The following ZNF594 variants were observed in gnomAD, a reference collection of about 807,000 sequenced individuals.
ZNF594 encodes zinc finger protein HZF18.
For missense variants in ZNF594, 1,037 were observed against 964.6 expected, an observed-to-expected ratio of 1.08 and a Z score of -0.99; for synonymous variants, 336 against 309.4, an observed-to-expected ratio of 1.09 and a Z score of -0.90.
At chr17:5,176,895 G>C (rs2144227317), downstream of ZNF594, among the ~76,000 whole-genome samples, 1 of 152,170 alleles carries the variant, frequency 6.6e-6, no homozygotes, top group Non-Finnish European at 1.5e-5. Context: ...ACAAATCAAG[G>C]ATAAAAGTTG....
In ZNF594 at chr17:5,182,175, G is replaced by C; in HGVS notation, c.2082C>G (p.Leu694=). ...TATGAAGTCTCCGATGTTGAATAAG[G>C]AGGGAACGCCGCCTGAAGGCATTCC... ...ECGNAFRRRS[L]LIQHRRLHSG... The change falls in exon 2 of 2, where the codon CTC becomes CTG. Residue 694 remains leucine (L), a synonymous_variant. Coordinates refer to ENST00000575779, the MANE Select transcript of ZNF594 (RefSeq NM_032530.2). The C allele has an allele frequency of 6.2e-7, 1 of 1,613,406 alleles. No individual in the cohort carries two copies. Among genetic ancestry groups the C allele is most frequent in the Non-Finnish European group, 8.5e-7 (1 of 1,179,934 alleles).
In ZNF594 at chr17:5,183,008, A is replaced by T; in HGVS notation, c.1249T>A (p.Ser417Thr). Reference protein sequence around the residue: ...KECGKTFNQSSDLLRHHRIHS... With the variant: ...KECGKTFNQSTDLLRHHRIHS... The stretch of plus-strand genomic sequence containing the variant: ...ATTCTATGATGTCTCAGAAGGTCTG[A>T]GCTCTGATTGAAAGTTTTCCCACAT... Residue 417 changes from serine to threonine, a missense_variant, in exon 2 of 2, where the codon TCA becomes ACA. Coordinates refer to ENST00000575779, the MANE Select transcript of ZNF594 (RefSeq NM_032530.2). The T allele has an allele frequency of 6.2e-7, 1 of 1,614,016 alleles. No homozygotes were observed. The highest frequency in any genetic ancestry group is 1.3e-5 in the African/African-American group (1 of 74,974).
At position 5,181,357 on chromosome 17, in the gene ZNF594, C is replaced by A; in HGVS notation, c.*476G>T. ...TGAGTTACCTGATGTCCGATGAGGT[C>A]TGAGCTGCCCTGGAAAGCCCTACCA... On this transcript the variant is annotated 3_prime_UTR_variant, in exon 2 of 2. Transcript: ENST00000575779. 1.9e-6 allele frequency: 3 copies of A among 1,612,992 alleles called. No individual in the cohort carries two copies. The highest frequency in any genetic ancestry group is 1.7e-6 in the Non-Finnish European group (2 of 1,179,010).
Position 5,181,637 on chromosome 17 carries a change from C to CATT in ZNF594, c.*195_*196insAAT. On this transcript the variant is annotated 3_prime_UTR_variant, in exon 2 of 2. Coordinates refer to ENST00000575779, the MANE Select transcript of ZNF594 (RefSeq NM_032530.2). ...TGAAGGCTTTTTCACATTCAGTGCA[C>CATT]TGATAGGGCTTCTCTCCAGTGTGGA... The CATT allele has an allele frequency of 1.3e-6, 2 of 1,587,918 alleles. No individual in the cohort carries two copies. The highest frequency in any genetic ancestry group is 1.7e-6 in the Non-Finnish European group (2 of 1,156,324).
At chr17:5,176,035 C>T (rs550738526), downstream of ZNF594, among the ~76,000 whole-genome samples, 1 of 152,328 alleles carries the variant, frequency 6.6e-6, no homozygotes, top group East Asian at 1.9e-4. Flanking sequence ...CTCCTTGCTA[C>T]ACCGACGCTA....
Position 5,182,811 on chromosome 17 carries a change from A to G in ZNF594, c.1446T>C (p.His482=), listed in dbSNP as rs539253457. ...RSHLVTHQKI[H]TGEKPYQCTE... Reference sequence around the variant, plus strand: ...TGCACTGATAGGGCTTCTCTCCAGTATGGATTTTCTGGTGTGTAACAAGGT... The same window carrying G: ...TGCACTGATAGGGCTTCTCTCCAGTGTGGATTTTCTGGTGTGTAACAAGGT... Residue 482 remains histidine (H), a synonymous_variant, in exon 2 of 2, where the codon CAT becomes CAC. Coordinates refer to ENST00000575779, the MANE Select transcript of ZNF594 (RefSeq NM_032530.2). 7.4e-6 allele frequency: 12 copies of G among 1,613,896 alleles called. No individual in the cohort carries two copies. The African/African-American group carries it at 1.1e-4, about 14-fold the overall frequency.
At chr17:5,188,432 C>T (rs1416341158) in intron 1 of ZNF594, among the ~76,000 whole-genome samples, 1 of 152,048 alleles carries the variant, frequency 6.6e-6, no homozygotes, top group Admixed American at 6.6e-5. Flanking sequence ...GCTCAATTTC[C>T]TCTGTTTGTT....
rs756212045 is a variant in ZNF594, at chr17:5,183,821, GATGT to G, written c.432_435del (p.His145ArgfsTer54). ...GGCTTATTTCCTGTATGAATTCTCT[GATGT>G]ATGATCAGGTTTGAACTCCTGTTGA... On this transcript the variant is annotated frameshift_variant, in exon 2 of 2. Coordinates refer to ENST00000575779, the MANE Select transcript of ZNF594 (RefSeq NM_032530.2). LOFTEE classifies it low-confidence loss of function (END_TRUNC). 5.0e-6 allele frequency: 8 copies of G among 1,614,082 alleles called. No individual in the cohort carries two copies. The highest frequency in any genetic ancestry group is 1.1e-5 in the South Asian group (1 of 91,064).
chr17:5,182,753 G>C lies in ZNF594; in HGVS notation c.1504C>G (p.Leu502Val), dbSNP rs769489995. Residue 502 changes from leucine (L) to valine (V), a missense_variant, in exon 2 of 2, where the codon CTC (leucine) becomes GTC (valine). Leu to Val is a conservative substitution (Grantham distance 32, BLOSUM62 1). Coordinates refer to ENST00000575779, the MANE Select transcript of ZNF594 (RefSeq NM_032530.2). ...ECGKAFRRRS[L>V]LIQHRRIHSG... ...TGAATTCTCCGATGTTGAATAAGGA[G>C]TGAACGCCGCCTGAAGGCTTTCCCA... The C allele has an allele frequency of 2.5e-6, 4 of 1,614,028 alleles. No homozygotes were observed. The highest frequency in any genetic ancestry group is 3.4e-6 in the Non-Finnish European group (4 of 1,180,002).
In ZNF594 at chr17:5,181,926, G is replaced by A; in HGVS notation, c.2331C>T (p.Ile777=). The change falls in exon 2 of 2, where the codon ATC becomes ATT. Residue 777 remains isoleucine, a synonymous_variant. Transcript: ENST00000575779. ...SRTFQGSSDL[I]RHQVTHTREK... ...CTCTTGTATGAGTTACCTGATGTCT[G>A]ATGAGATCTGAGCTGCCCTGGAAGG... The A allele has an allele frequency of 6.2e-7, 1 of 1,613,950 alleles. No homozygotes were observed. Among genetic ancestry groups the A allele is most frequent in the Non-Finnish European group, 8.5e-7 (1 of 1,180,012 alleles).
In ZNF594 at chr17:5,183,250, G is replaced by T. The variant is rs778122981; in HGVS notation, c.1007C>A (p.Thr336Lys). ...HRCGKTFSGR[T>K]AFLKHQRLHA... ...CAATCTCTGATGTTTAAGAAAAGCT[G>T]TGCGCCCACTGAAGGTCTTCCCACA... Residue 336 changes from threonine (T) to lysine (K), a missense_variant, in exon 2 of 2, where the codon ACA becomes AAA. By Grantham distance (78) the Thr-to-Lys change is moderately conservative. Coordinates refer to ENST00000575779, the MANE Select transcript of ZNF594 (RefSeq NM_032530.2). The T allele has an allele frequency of 5.0e-6, 8 of 1,614,142 alleles. 1 individual carries two copies. In the South Asian group the frequency reaches 8.8e-5, roughly 18 times the overall value.
downstream of ZNF594, among the ~76,000 whole-genome samples, chr17:5,176,395 C>CAAAAAAAA (rs34510280): frequency 1.1e-3 from 95 of 85,520 alleles, no homozygotes; most frequent in African/African-American, 1.6e-3. Flanking sequence ...AACTCTGTCT[C>CAAAAAAAA]AAAAAAAAAA....
At chr17:5,184,496 G>A (rs986389471) in intron 1 of ZNF594, 24 of 507,662 alleles carry the variant, frequency 4.7e-5, no homozygotes, top group African/African-American at 4.5e-4. Flanking sequence ...CTGGAGCTGG[G>A]CTGTGGGAGT....
the ZNF594 span, chr17:5,174,101 G>A: frequency 1.6e-4 from 33 of 203,656 alleles, no homozygotes; most frequent in Non-Finnish European, 3.0e-4. Context: ...CATGTCCACT[G>A]GTTTTTTTAT....
chr17:5,182,958 T>C lies in ZNF594; in HGVS notation c.1299A>G (p.Val433=), dbSNP rs1195659303. ...TAAAAGATTTCCCACATTTGCTACA[T>C]ACACAAGGTTTTTCTCCACTGTGAA... ...HRIHSGEKPC[V]CSKCGKSFRG... is the part of the protein sequence containing the mutation. Residue 433 remains valine, a synonymous_variant, in exon 2 of 2, where the codon GTA becomes GTG. Transcript: ENST00000575779. The C allele has an allele frequency of 6.2e-7, 1 of 1,614,096 alleles. No individual in the cohort carries two copies. The highest frequency in any genetic ancestry group is 8.5e-7 in the Non-Finnish European group (1 of 1,180,014).
At position 5,183,422 on chromosome 17, in the gene ZNF594, T is replaced by G; in HGVS notation, c.835A>C (p.Ser279Arg). Residue 279 changes from serine (S) to arginine (R), a missense_variant, in exon 2 of 2, where the codon AGT (serine) becomes CGT (arginine). Coordinates refer to ENST00000575779, the MANE Select transcript of ZNF594 (RefSeq NM_032530.2). ...CYDCGQMFSQ[S>R]SHLVPHQRIH... ...CTCTGATGTGGGACAAGGTGTGAAC[T>G]TTGACTGAACATCTGTCCACAGTCA... 2 of 1,613,874 alleles carry G rather than the reference T, an allele frequency of 1.2e-6. No individual in the cohort carries two copies. The highest frequency in any genetic ancestry group is 4.5e-5 in the East Asian group (2 of 44,890).
chr17:5,176,395 C>CAAAAAAAAAAAAAAAAAAAAATAAAA (rs34510280), downstream of ZNF594, among the ~76,000 whole-genome samples: 1 of 85,620 alleles, frequency 1.2e-5, no homozygotes, highest in African/African-American at 4.4e-5. Context: ...AACTCTGTCT[C>CAAAAAAAAAAAAAAAAAAAAATAAAA]AAAAAAAAAA....
At chr17:5,188,261 G>A (rs962236736) in intron 1 of ZNF594, among the ~76,000 whole-genome samples, 1 of 106,664 alleles carries the variant, frequency 9.4e-6, no homozygotes, top group African/African-American at 3.2e-5. Flanking sequence ...TAGATTAAAG[G>A]CTGCCCTTTT....
At position 5,182,887 on chromosome 17, in the gene ZNF594, T is replaced by C. The variant is rs1202626693; in HGVS notation, c.1370A>G (p.Glu457Gly). Residue 457 changes from glutamate to glycine, a missense_variant, in exon 2 of 2, where the codon GAG becomes GGG. Glu to Gly is a moderately conservative substitution (Grantham distance 98). Coordinates refer to ENST00000575779, the MANE Select transcript of ZNF594 (RefSeq NM_032530.2). Reference protein sequence around the residue: ...LIRHHRVHTGEKPYECSECGK... With the variant: ...LIRHHRVHTGGKPYECSECGK... ...ACATTCACTACATTCATAGGGTTTC[T>C]CTCCAGTATGAACACGATGGTGTCT... 5 of 1,614,028 alleles carry C rather than the reference T, an allele frequency of 3.1e-6. No homozygotes were observed. The highest frequency in any genetic ancestry group is 4.2e-6 in the Non-Finnish European group (5 of 1,180,024).
Sources: allele counts gnomAD v4.1 joint callset (sites outside exome capture counted in the v4.1 genomes callset), GRCh38; gene constraint gnomAD v4.1.1; transcripts MANE v1.5; gene names NCBI Gene and HGNC (gene_info 2026-07-23, HGNC 2026-07-21).